Variants in CD109 observed in about 807,000 individuals in gnomAD.
CD109 encodes CD109 antigen.
A neutral mutation model predicts 165.8 loss-of-function variants in CD109; 149 were observed. The observed-to-expected ratio is 0.90, with a 90% confidence interval of 0.79 to 1.03. The LOEUF (loss-of-function observed/expected upper bound fraction) is 1.03, where lower values mean the gene tolerates loss of function less well. Among genes scored for constraint, CD109 ranks in the 50% least tolerant of loss-of-function variants. CD109 has a pLI of 0.00. For synonymous variants in CD109, 585 were observed against 592.1 expected (o/e 0.99, Z 0.18); for missense variants, 1,712 against 1,677.8 (o/e 1.02, Z -0.36).
the CD109 span, among the ~76,000 whole-genome samples, chr6:73,690,046 T>C: frequency 6.6e-6 from 1 of 152,224 alleles, no homozygotes; most frequent in East Asian, 1.9e-4. Context: ...TTTTATTCAG[T>C]GTTTGCTTTT....
Position 73,766,836 on chromosome 6 carries a change from A to G in CD109, c.1410A>G (p.Leu470=), listed in dbSNP as rs756145882. ...CTCCTAGTAAGACATACATCCAACT[A>G]AAAACAAGAGATGAAAATATAAAGG... ...FKSPSKTYIQ[L]KTRDENIKVG... The change falls in exon 12 of 33, where the codon CTA becomes CTG. Residue 470 remains leucine, a synonymous_variant. Transcript: ENST00000287097. 12 of 1,612,348 alleles carry G rather than the reference A, an allele frequency of 7.4e-6. 1 individual carries two copies. Among genetic ancestry groups the G allele is most frequent in the Non-Finnish European group, 6.8e-6 (8 of 1,178,672 alleles).
At chr6:73,681,442 C>T in the CD109 span, among the ~76,000 whole-genome samples, 12 of 151,670 alleles carry the variant, frequency 7.9e-5, no homozygotes, top group South Asian at 6.3e-4. Flanking sequence ...TCTGTTTTCA[C>T]GCTGCTGATA....
Position 73,723,252 on chromosome 6 carries a change from C to A in CD109, c.249C>A (p.Gly83=), listed in dbSNP as rs763057949. ...TTTTCTTTCCTGTTTTCCTTGTAGG[C>A]TCTTTTAAGACACTTACTCTTCCAT... is the stretch of plus-strand genomic sequence containing the variant. ...VLEAEGVFEK[G]SFKTLTLPSL... Residue 83 remains glycine, a splice_region_variant and synonymous_variant, in exon 3 of 33, where the codon GGC becomes GGA. Coordinates refer to ENST00000287097, the MANE Select transcript of CD109 (RefSeq NM_133493.5). 7.4e-6 allele frequency: 12 copies of A among 1,612,554 alleles called. No individual in the cohort carries two copies. The highest frequency in any genetic ancestry group is 9.3e-6 in the Non-Finnish European group (11 of 1,179,516).
intron 2 of CD109, among the ~76,000 whole-genome samples, chr6:73,705,579 C>T (rs551211520): frequency 7.9e-5 from 12 of 151,760 alleles, no homozygotes; most frequent in East Asian, 1.9e-4. Flanking sequence ...GTTATAGTGC[C>T]GTTGTACTCT....
intron 30 of CD109, among the ~76,000 whole-genome samples, chr6:73,817,338 T>A (rs1775975715): frequency 6.6e-6 from 1 of 152,178 alleles, no homozygotes; most frequent in Non-Finnish European, 1.5e-5. Flanking sequence ...TCATCTATAT[T>A]TTTTTCTCAT....
At chr6:73,717,820 C>T (rs1312040184) in intron 2 of CD109, among the ~76,000 whole-genome samples, 2 of 151,358 alleles carry the variant, frequency 1.3e-5, no homozygotes, top group Admixed American at 6.6e-5. Flanking sequence ...GGGGTTTCAC[C>T]GTGTTAACCA....
At chr6:73,728,986 G>A (rs1465277050) in intron 3 of CD109, among the ~76,000 whole-genome samples, 1 of 152,318 alleles carries the variant, frequency 6.6e-6, no homozygotes, top group East Asian at 1.9e-4. Context: ...CAAGATATCA[G>A]CTAGGGCTGC....
chr6:73,812,072 A>G, intron 28 of CD109, 133 bp from the exon 29 acceptor site: 1 of 559,074 alleles, frequency 1.8e-6, no homozygotes, highest in Non-Finnish European at 3.2e-6. Flanking sequence ...GATATGTGAG[A>G]CAGTGCAAAG....
chr6:73,701,278 AGCTC>A (rs1240620793), intron 2 of CD109, among the ~76,000 whole-genome samples: 3 of 152,172 alleles, frequency 2.0e-5, no homozygotes, highest in Non-Finnish European at 4.4e-5. Context: ...CATTGCCATC[AGCTC>A]CATAGTGATT....
At chr6:73,757,640 G>T (rs1206043397) in intron 6 of CD109, among the ~76,000 whole-genome samples, 1 of 152,168 alleles carries the variant, frequency 6.6e-6, no homozygotes, top group African/African-American at 2.4e-5. Context: ...GGCTAGTCCA[G>T]ATGGAGACAG....
chr6:73,823,347 G>A, intron 32 of CD109, 111 bp from the exon 33 acceptor site: 1 of 787,810 alleles, frequency 1.3e-6, no homozygotes, highest in Non-Finnish European at 2.0e-6. Flanking sequence ...AATAAAATTA[G>A]GTTAAGAATG....
chr6:73,781,179 G>A, intron 16 of CD109, 80 bp from the exon 17 acceptor site: 1 of 1,137,346 alleles, frequency 8.8e-7, no homozygotes. Context: ...AAGTGAGTCA[G>A]GAGTTTGGGA....
Position 73,785,580 on chromosome 6 carries a change from C to T in CD109, c.2337+103C>T, listed in dbSNP as rs1582155833. The T allele has an allele frequency of 8.4e-6, 5 of 592,868 alleles. No homozygotes were observed. In the East Asian group the frequency reaches 1.2e-4, roughly 15 times the overall value. The allele number at this position is 592,868 out of a possible 1,614,324, so 36.7% of individuals were successfully genotyped here. A position where few individuals can be genotyped will look rare whatever the true frequency, so the allele number is the denominator to read the frequency against. The stretch of plus-strand genomic sequence containing the variant: ...GTATCTGGGCATTTGGGATTCTAAG[C>T]ACTTTATACATTTCTGGGAGGCTGA... On this transcript the variant is annotated intron_variant, in intron 20 of 32. Transcript: ENST00000287097.
At chr6:73,789,061 T>C (rs1562069470) in intron 22 of CD109, among the ~76,000 whole-genome samples, 1 of 152,182 alleles carries the variant, frequency 6.6e-6, no homozygotes, top group Non-Finnish European at 1.5e-5. Flanking sequence ...GCTCTGTAAA[T>C]ACAGAAACAT....
intron 3 of CD109, among the ~76,000 whole-genome samples, chr6:73,724,999 T>A (rs1772081983): frequency 6.6e-6 from 1 of 152,224 alleles, no homozygotes; most frequent in Non-Finnish European, 1.5e-5. Context: ...AACAATACTT[T>A]ATAAAAATTA....
the CD109 span, among the ~76,000 whole-genome samples, chr6:73,686,977 C>T: frequency 1.3e-5 from 2 of 152,194 alleles, no homozygotes; most frequent in African/African-American, 4.8e-5. Flanking sequence ...TAGATGTGAG[C>T]CACTGCACCT....
intron 10 of CD109, 122 bp downstream of exon 10, chr6:73,763,807 T>G (rs1425329129): frequency 2.2e-6 from 1 of 447,464 alleles, no homozygotes; most frequent in Non-Finnish European, 3.9e-6. Context: ...ACTTTGTCTC[T>G]TTAGACATGT....
intron 15 of CD109, among the ~76,000 whole-genome samples, chr6:73,772,177 C>G (rs969468998): frequency 4.6e-5 from 7 of 152,180 alleles, no homozygotes; most frequent in South Asian, 2.1e-4. Flanking sequence ...GAAGTGTGTT[C>G]TATTTTGGTT....
chr6:73,820,267 A>G (rs747091974), intron 31 of CD109, among the ~76,000 whole-genome samples, 194 bp from the exon 32 acceptor site: 3 of 152,136 alleles, frequency 2.0e-5, no homozygotes. Flanking sequence ...TAAGAACAAT[A>G]CCTTTTTGTA....
Sources: allele counts gnomAD v4.1 joint callset (sites outside exome capture counted in the v4.1 genomes callset), GRCh38; gene constraint gnomAD v4.1.1; transcripts MANE v1.5; gene names NCBI Gene and HGNC (gene_info 2026-07-23, HGNC 2026-07-21).